Variants in PRLR observed in about 807,000 individuals in gnomAD.
The protein encoded by PRLR is hPRL receptor.
A neutral mutation model predicts 40.2 loss-of-function variants in PRLR; 13 were observed. That is an observed-to-expected ratio of 0.32 (90% CI 0.21 to 0.51). PRLR has a LOEUF of 0.51. Among genes scored for constraint, PRLR ranks in the 20% least tolerant of loss-of-function variants. The pLI is 0.97. For missense variants in PRLR, 656 were observed against 747.3 expected, an observed-to-expected ratio of 0.88 and a Z score of 1.42; for synonymous variants, 269 against 278.7, an observed-to-expected ratio of 0.97 and a Z score of 0.35.
intron 1 of PRLR, among the ~76,000 whole-genome samples, chr5:35,134,829 G>T (rs1216986877): frequency 6.6e-6 from 1 of 152,172 alleles, no homozygotes; most frequent in Non-Finnish European, 1.5e-5. Flanking sequence ...CGGCTGTTTG[G>T]CTCCCATCCC....
chr5:35,090,916 T>C (rs1771168008), intron 2 of PRLR, among the ~76,000 whole-genome samples: 1 of 147,194 alleles, frequency 6.8e-6, no homozygotes, highest in African/African-American at 2.5e-5. Context: ...ATTCACGCCA[T>C]TCTCCTGCCT....
intron 3 of PRLR, among the ~76,000 whole-genome samples, chr5:35,086,560 GGTGTGTGTGT>G (rs113256007): frequency 1.4e-5 from 2 of 148,090 alleles, no homozygotes; most frequent in African/African-American, 2.5e-5. Flanking sequence ...GCATTTTGCT[GGTGTGTGTGT>G]GTGTGTGTGT....
At chr5:35,105,199 C>A (rs1772155218) in intron 2 of PRLR, among the ~76,000 whole-genome samples, 1 of 152,190 alleles carries the variant, frequency 6.6e-6, no homozygotes, top group Non-Finnish European at 1.5e-5. Context: ...GAAAGACATT[C>A]ACACCAAAAC....
intron 1 of PRLR, among the ~76,000 whole-genome samples, chr5:35,167,629 G>A (rs1459234043): frequency 1.3e-5 from 2 of 152,128 alleles, no homozygotes; most frequent in East Asian, 1.9e-4. Context: ...CAATAAAAAT[G>A]TCTTATAATT....
chr5:35,139,823 C>T (rs2914111), intron 1 of PRLR, among the ~76,000 whole-genome samples: 31,486 of 151,806 alleles, frequency 0.21, 5,871 homozygotes, highest in African/African-American at 0.5. Context: ...TATCAGTTCT[C>T]CTAATAATTT....
At chr5:35,210,614 A>G (rs1462514605) in intron 1 of PRLR, among the ~76,000 whole-genome samples, 1 of 152,240 alleles carries the variant, frequency 6.6e-6, no homozygotes, top group Non-Finnish European at 1.5e-5. Context: ...ATTATGCTAA[A>G]TTATATCCAA....
chr5:35,220,436 G>C (rs1266763614), intron 1 of PRLR, among the ~76,000 whole-genome samples: 1 of 152,060 alleles, frequency 6.6e-6, no homozygotes, highest in Non-Finnish European at 1.5e-5. Context: ...TAGCTTGAAG[G>C]GCACCTCCTC....
chr5:35,106,484 T>G lies in PRLR; in HGVS notation c.-44+11577A>C, dbSNP rs1561303509. 2.0e-5 allele frequency among the ~76,000 whole-genome samples: 3 copies of G among 152,184 alleles called. No homozygotes were observed. The South Asian group carries it at 6.2e-4, about 32-fold the overall frequency. On this transcript the variant is annotated intron_variant, in intron 2 of 9. Transcript: ENST00000618457. The stretch of plus-strand genomic sequence containing the variant: ...AGTGTGCTGTATTCAGGAGACCCAC[T>G]TCTCATGCAGAGACACACATAGGCT...
Position 35,065,455 on chromosome 5 carries a change from A to G in PRLR, c.1503T>C (p.Phe501=), listed in dbSNP as rs1469138958. 1.2e-6 allele frequency: 2 copies of G among 1,614,096 alleles called. No homozygotes were observed. The highest frequency in any genetic ancestry group is 1.7e-5 in the Admixed American group (1 of 60,008). Residue 501 remains phenylalanine, a synonymous_variant, in exon 10 of 10, where the codon TTT becomes TTC. Transcript: ENST00000618457. ...PWLLPQEKTP[F]GSAKPLDYVE... ...CATAATCCAAGGGTTTAGCGGAGCC[A>G]AAGGGGGTTTTCTCCTGGGGCAGCA...
intron 8 of PRLR, 46 bp downstream of exon 8, chr5:35,068,733 C>A: frequency 1.5e-6 from 2 of 1,372,528 alleles, no homozygotes; most frequent in Non-Finnish European, 2.1e-6. Context: ...TGTCATTATC[C>A]TTGACTATCA....
At chr5:35,212,849 C>T (rs929137426) in intron 1 of PRLR, among the ~76,000 whole-genome samples, 2 of 152,174 alleles carry the variant, frequency 1.3e-5, no homozygotes, top group Non-Finnish European at 2.9e-5. Context: ...AAGTACAGGG[C>T]TCTGGCTCAG....
intron 1 of PRLR, among the ~76,000 whole-genome samples, chr5:35,198,106 G>A (rs530952294): frequency 5.3e-5 from 8 of 152,312 alleles, no homozygotes; most frequent in Admixed American, 4.6e-4. Flanking sequence ...GCAGCATCCT[G>A]GGCAGCTCCG....
At chr5:35,098,460 GTTGT>G (rs1171609244) in intron 2 of PRLR, among the ~76,000 whole-genome samples, 2 of 152,180 alleles carry the variant, frequency 1.3e-5, no homozygotes, top group Non-Finnish European at 2.9e-5. Flanking sequence ...AGATGTCACG[GTTGT>G]TTGTTTGTTA....
At chr5:35,153,777 C>A (rs77939597) in intron 1 of PRLR, among the ~76,000 whole-genome samples, 4,224 of 145,770 alleles carry the variant, frequency 0.029, 83 homozygotes, top group Middle Eastern at 0.094. Context: ...ACACACACAC[C>A]CCATTGTTAT....
intron 1 of PRLR, among the ~76,000 whole-genome samples, chr5:35,211,293 G>C (rs563824153): frequency 1.2e-4 from 18 of 152,162 alleles, no homozygotes; most frequent in Non-Finnish European, 2.1e-4. Context: ...ATAGTCAAAA[G>C]GTACAATGGG....
chr5:35,199,453 C>G (rs189697288), intron 1 of PRLR, among the ~76,000 whole-genome samples: 37 of 152,234 alleles, frequency 2.4e-4, no homozygotes, highest in Admixed American at 2.2e-3. Context: ...TCACTCTCTC[C>G]TATGATTATG....
downstream of PRLR, among the ~76,000 whole-genome samples, chr5:35,053,051 C>T (rs1314522484): frequency 6.6e-6 from 1 of 152,170 alleles, no homozygotes; most frequent in East Asian, 1.9e-4. Flanking sequence ...GGCAAAATGG[C>T]AGCTTTCCTT....
intron 5 of PRLR, among the ~76,000 whole-genome samples, chr5:35,080,898 G>C (rs1471455882): frequency 6.6e-6 from 1 of 152,012 alleles, no homozygotes; most frequent in Non-Finnish European, 1.5e-5. Flanking sequence ...TAGGGACATG[G>C]ATGAAGCTGG....
Position 35,065,564 on chromosome 5 carries a change from A to C in PRLR, c.1394T>G (p.Ile465Ser). ...GKDALKSSQTIKSREEGKATQ... is the reference protein window; with the variant it reads ...GKDALKSSQTSKSREEGKATQ... ...TGCCTTTCCCTCTTCTCTAGACTTAATGGTTTGAGAGGATTTTAAAGCATC... is the reference window on the plus strand; with the variant it reads ...TGCCTTTCCCTCTTCTCTAGACTTACTGGTTTGAGAGGATTTTAAAGCATC... Residue 465 changes from isoleucine to serine, a missense_variant, in exon 10 of 10, where the codon ATT (isoleucine) becomes AGT (serine). Around this residue, in one of 3 missense-constraint regions of PRLR, gnomAD observed 469 missense variants for 491.5 expected, o/e 0.95. Transcript: ENST00000618457. 1 of 1,613,972 alleles carries C rather than the reference A, an allele frequency of 6.2e-7. No homozygotes were observed. Among genetic ancestry groups the C allele is most frequent in the Non-Finnish European group, 8.5e-7 (1 of 1,180,002 alleles).
Sources: gnomAD v4.1 joint callset for allele counts (sites outside exome capture counted in the v4.1 genomes callset) on GRCh38, gnomAD v4.1.1 for gene constraint, gnomAD v4.1.1 regional missense constraint, MANE v1.5 for transcripts, NCBI Gene and HGNC (gene_info 2026-07-23, HGNC 2026-07-21) for gene names.